Variants in EYA4 observed in about 807,000 individuals in gnomAD.
EYA4 encodes the protein protein phosphatase EYA4.
Under a neutral mutation model 87.9 loss-of-function variants are expected in EYA4, and 31 were observed. That is an observed-to-expected ratio of 0.35 (90% CI 0.27 to 0.48). The LOEUF (loss-of-function observed/expected upper bound fraction) is 0.48. Ranked by LOEUF, EYA4 falls within the 20% of genes least tolerant of loss-of-function variation. The pLI is 0.99. For missense variants in EYA4, 678 were observed against 761.4 expected (o/e 0.89, Z 1.29); for synonymous variants, 263 against 270.6 (o/e 0.97, Z 0.28).
intron 2 of EYA4, among the ~76,000 whole-genome samples, chr6:133,328,033 G>A (rs942909314): frequency 6.6e-6 from 1 of 152,182 alleles, no homozygotes; most frequent in Non-Finnish European, 1.5e-5. Flanking sequence ...GTCTGAATAA[G>A]TTAGAGTCTT....
chr6:133,466,847 G>A (rs935978484), intron 10 of EYA4, among the ~76,000 whole-genome samples: 11 of 151,890 alleles, frequency 7.2e-5, no homozygotes, highest in African/African-American at 2.4e-4. Flanking sequence ...AGAGATAGGC[G>A]GGGGCCTGCT....
At chr6:133,514,304 G>A (rs193069708) in intron 16 of EYA4, among the ~76,000 whole-genome samples, 2 of 152,256 alleles carry the variant, frequency 1.3e-5, no homozygotes, top group East Asian at 3.9e-4. Flanking sequence ...ATCAATGGTA[G>A]ATAATATGTT....
At chr6:133,402,032 A>G (rs149166007) in intron 3 of EYA4, among the ~76,000 whole-genome samples, 4 of 152,292 alleles carry the variant, frequency 2.6e-5, no homozygotes, top group African/African-American at 9.6e-5. Context: ...GGAGTTGCCC[A>G]CCAGCTGTTT....
intron 3 of EYA4, among the ~76,000 whole-genome samples, chr6:133,403,901 C>G (rs973187503): frequency 3.9e-5 from 6 of 152,168 alleles, no homozygotes; most frequent in Non-Finnish European, 8.8e-5. Context: ...ACCTCTGCCC[C>G]CAGAGTTCAA....
chr6:133,527,652 A>G (rs913041489), intron 19 of EYA4, among the ~76,000 whole-genome samples: 8 of 152,218 alleles, frequency 5.3e-5, no homozygotes, highest in African/African-American at 1.9e-4. Context: ...TGGACCAACC[A>G]CATTTCAAGT....
intron 3 of EYA4, chr6:133,435,186 T>C (rs1791538740): frequency 6.6e-6 from 1 of 152,186 alleles, no homozygotes; most frequent in Non-Finnish European, 1.5e-5. Flanking sequence ...AGGTCTCAAG[T>C]CTAGAGCTGT....
intron 5 of EYA4, among the ~76,000 whole-genome samples, chr6:133,451,412 CTTCCAGATATAGGTAA>C (rs1186864098): frequency 3.3e-5 from 5 of 152,174 alleles, no homozygotes; most frequent in Non-Finnish European, 1.5e-5. Flanking sequence ...TGAAAATTTA[CTTCCAGATATAGGTAA>C]TTCCAGATTC....
chr6:133,422,625 G>A (rs1790315599), intron 3 of EYA4, among the ~76,000 whole-genome samples: 1 of 152,248 alleles, frequency 6.6e-6, no homozygotes, highest in African/African-American at 2.4e-5. Context: ...TTAGTGCAAG[G>A]TACTTGCTTC....
chr6:133,446,750 A>G lies in EYA4; in HGVS notation c.204A>G (p.Thr68=), dbSNP rs2128623032. The G allele has an allele frequency of 6.2e-7, 1 of 1,613,998 alleles. No individual in the cohort carries two copies. Among genetic ancestry groups the G allele is most frequent in the Non-Finnish European group, 8.5e-7 (1 of 1,179,932 alleles). ...GCACATCAGTTACTACAAATGGGACAGGAGGTAAGTGTACTACCCTGAAGA... is the reference window on the plus strand; with the variant it reads ...GCACATCAGTTACTACAAATGGGACGGGAGGTAAGTGTACTACCCTGAAGA... ...LSSTSVTTNG[T]GGENMTVLNT... Residue 68 remains threonine (T), a synonymous_variant, in exon 4 of 20, where the codon ACA becomes ACG. Coordinates refer to ENST00000355286, the MANE Select transcript of EYA4 (RefSeq NM_004100.5).
intron 13 of EYA4, among the ~76,000 whole-genome samples, chr6:133,483,380 T>C (rs1459403918): frequency 6.6e-6 from 1 of 152,040 alleles, no homozygotes; most frequent in East Asian, 1.9e-4. Flanking sequence ...TCTCACATAA[T>C]TATTTTAGAA....
At chr6:133,271,105 A>G (rs1017710278) in intron 1 of EYA4, among the ~76,000 whole-genome samples, 4 of 152,162 alleles carry the variant, frequency 2.6e-5, no homozygotes, top group Admixed American at 2.0e-4. Context: ...GAGTGGTGCC[A>G]CTTCCACTTC....
At position 133,274,774 on chromosome 6, in the gene EYA4, A is replaced by G; in HGVS notation, c.-7A>G. The G allele has an allele frequency of 6.2e-7, 1 of 1,613,468 alleles. No individual in the cohort carries two copies. Among genetic ancestry groups the G allele is most frequent in the African/African-American group, 1.3e-5 (1 of 75,022 alleles). ...CTTGGGAGTGGCAGGAGAAGTGAGAAAACCACATGGAAGACTCCCAGGATT... is the reference window on the plus strand; with the variant it reads ...CTTGGGAGTGGCAGGAGAAGTGAGAGAACCACATGGAAGACTCCCAGGATT... On this transcript the variant is annotated 5_prime_UTR_variant, in exon 2 of 20. Coordinates refer to ENST00000355286, the MANE Select transcript of EYA4 (RefSeq NM_004100.5).
intron 19 of EYA4, among the ~76,000 whole-genome samples, chr6:133,527,198 T>C (rs1800710245): frequency 1.3e-5 from 2 of 152,220 alleles, no homozygotes; most frequent in African/African-American, 4.8e-5. Flanking sequence ...GTACCCAGAA[T>C]GCATGCTTTT....
chr6:133,531,911 A>G lies in EYA4; in HGVS notation c.*3106A>G, dbSNP rs1801030360. On this transcript the variant is annotated 3_prime_UTR_variant, in exon 20 of 20. Coordinates refer to ENST00000355286, the MANE Select transcript of EYA4 (RefSeq NM_004100.5). ...TCTTTTGAAAACAAACTTAAGCATC[A>G]TGAGCCAAAGTTGCACTTTGACTCC... 6.6e-6 allele frequency: 1 copy of G among 152,220 alleles called. No individual in the cohort carries two copies. The highest frequency in any genetic ancestry group is 2.4e-5 in the African/African-American group (1 of 41,462). The allele number at this position is 152,220 out of a possible 1,614,324, so 9.4% of individuals were successfully genotyped here. A position where few individuals can be genotyped will look rare whatever the true frequency, so the allele number is the denominator to read the frequency against.
In EYA4 at chr6:133,462,467, G is replaced by T. The variant is rs796638750; in HGVS notation, c.570G>T (p.Leu190Phe). The T allele has an allele frequency of 6.2e-7, 1 of 1,613,748 alleles. No homozygotes were observed. Among genetic ancestry groups the T allele is most frequent in the Non-Finnish European group, 8.5e-7 (1 of 1,179,940 alleles). ...AYSQTGQPYS[L>F]PTYDLGVMLP... Reference sequence around the variant, plus strand: ...CACAGACAGGACAGCCCTACAGCTTGCCCACTTACGGTATTTCACATCTTC... The same window carrying T: ...CACAGACAGGACAGCCCTACAGCTTTCCCACTTACGGTATTTCACATCTTC... Residue 190 changes from leucine (L) to phenylalanine (F), a missense_variant, in exon 8 of 20, where the codon TTG becomes TTT. Leu to Phe is a conservative substitution (Grantham distance 22, BLOSUM62 0). Coordinates refer to ENST00000355286, the MANE Select transcript of EYA4 (RefSeq NM_004100.5).
chr6:133,506,841 T>C (rs1798675330), intron 14 of EYA4, among the ~76,000 whole-genome samples: 1 of 152,166 alleles, frequency 6.6e-6, no homozygotes, highest in South Asian at 2.1e-4. Context: ...AGTAGTTGAA[T>C]GTGTACTGCA....
At chr6:133,334,897 C>T (rs1461353008) in intron 2 of EYA4, among the ~76,000 whole-genome samples, 4 of 152,102 alleles carry the variant, frequency 2.6e-5, no homozygotes, top group Non-Finnish European at 5.9e-5. Context: ...AAAAATCAAG[C>T]CAGCTACATA....
At chr6:133,432,965 A>G (rs1316724836) in intron 3 of EYA4, among the ~76,000 whole-genome samples, 2 of 152,236 alleles carry the variant, frequency 1.3e-5, no homozygotes, top group Middle Eastern at 3.4e-3. Flanking sequence ...ACACACACCC[A>G]TTAACTTTTT....
In EYA4 at chr6:133,528,830, T is replaced by C. The variant is rs765702716; in HGVS notation, c.*25T>C. On this transcript the variant is annotated 3_prime_UTR_variant, in exon 20 of 20. Coordinates refer to ENST00000355286, the MANE Select transcript of EYA4 (RefSeq NM_004100.5). Reference sequence around the variant, plus strand: ...ACTGTGTTCTTTAGCCGGAGATCCATTTTTTATATTTCAAGTACACTGAAT... The same window carrying C: ...ACTGTGTTCTTTAGCCGGAGATCCACTTTTTATATTTCAAGTACACTGAAT... 2 of 1,612,134 alleles carry C rather than the reference T, an allele frequency of 1.2e-6. No homozygotes were observed. The highest frequency in any genetic ancestry group is 1.7e-6 in the Non-Finnish European group (2 of 1,178,450).
Sources: gnomAD v4.1 joint callset for allele counts (sites outside exome capture counted in the v4.1 genomes callset) on GRCh38, gnomAD v4.1.1 for gene constraint, MANE v1.5 for transcripts, NCBI Gene and HGNC (gene_info 2026-07-23, HGNC 2026-07-21) for gene names.